DST: variants seen among roughly 807,000 people sequenced by gnomAD.
The protein encoded by DST is bullous pemphigoid antigen.
A neutral mutation model predicts 875.2 loss-of-function variants in DST; 253 were observed. The observed-to-expected ratio is 0.29, with a 90% CI of 0.26 to 0.32. The LOEUF is 0.32. Ranked by LOEUF, DST falls within the 10% of genes least tolerant of loss-of-function variation. DST has a pLI of 1.00. For synonymous variants in DST, 3,124 were observed against 3,197.1 expected, an observed-to-expected ratio of 0.98 and a Z score of 0.77; for missense variants, 8,287 against 9,111.6, an observed-to-expected ratio of 0.91 and a Z score of 3.68.
intron 4 of DST, among the ~76,000 whole-genome samples, chr6:56,803,212 A>G (rs1282547205): frequency 6.6e-6 from 1 of 152,208 alleles, no homozygotes; most frequent in Non-Finnish European, 1.5e-5. Context: ...CTAAAATACT[A>G]CAGCGTACCT....
At chr6:56,691,531 C>T (rs2099229539) in intron 9 of DST, among the ~76,000 whole-genome samples, 2 of 152,022 alleles carry the variant, frequency 1.3e-5, no homozygotes, top group South Asian at 4.1e-4. Flanking sequence ...TCTTTATGTT[C>T]AGATTTTTTA....
chr6:56,588,246 C>T (rs1048081073), intron 49 of DST, among the ~76,000 whole-genome samples: 6 of 152,186 alleles, frequency 3.9e-5, no homozygotes, highest in African/African-American at 1.4e-4. Flanking sequence ...CCTTCAATCT[C>T]AACTTTCTGT....
chr6:56,631,140 T>A (rs2098776255), intron 30 of DST, 71 bp downstream of exon 30: 1 of 664,630 alleles, frequency 1.5e-6, no homozygotes, highest in African/African-American at 1.9e-5. Flanking sequence ...AAAAATAAAA[T>A]TTTAAATTAA....
intron 5 of DST, among the ~76,000 whole-genome samples, chr6:56,730,435 T>C (rs2099492947): frequency 6.6e-6 from 1 of 152,156 alleles, no homozygotes; most frequent in East Asian, 1.9e-4. Context: ...TTTCTCATAT[T>C]GTTGTCCTAT....
intron 50 of DST, among the ~76,000 whole-genome samples, chr6:56,578,502 C>A (rs1262461555): frequency 6.6e-6 from 1 of 152,194 alleles, no homozygotes; most frequent in African/African-American, 2.4e-5. Flanking sequence ...TGCCCAATCC[C>A]ATCAACCAAG....
At chr6:56,477,250 C>A (rs1310850731) in intron 91 of DST, 95 bp downstream of exon 91, 2 of 1,341,308 alleles carry the variant, frequency 1.5e-6, no homozygotes, top group Non-Finnish European at 2.0e-6. Flanking sequence ...TCTCATTTTC[C>A]CATGGCCATA....
At chr6:56,791,041 A>G (rs1315609678) in intron 4 of DST, among the ~76,000 whole-genome samples, 5 of 152,236 alleles carry the variant, frequency 3.3e-5, no homozygotes, top group Admixed American at 2.6e-4. Context: ...AGGCCAACAA[A>G]GAAGGCCAAG....
chr6:56,685,241 C>A (rs974931686), intron 9 of DST, among the ~76,000 whole-genome samples: 14 of 152,082 alleles, frequency 9.2e-5, no homozygotes, highest in Non-Finnish European at 2.9e-5. Context: ...GCAGACTATG[C>A]ATCTGAAAAA....
intron 36 of DST, chr6:56,618,160 G>A: frequency 6.2e-7 from 1 of 1,614,146 alleles, no homozygotes; most frequent in Non-Finnish European, 8.5e-7. Flanking sequence ...TCTGAGAAAA[G>A]TACTCAGAGT....
intron 5 of DST, among the ~76,000 whole-genome samples, chr6:56,722,764 C>T (rs1047369224): frequency 6.6e-5 from 10 of 152,144 alleles, no homozygotes; most frequent in Admixed American, 1.3e-4. Flanking sequence ...AAATAAAAAG[C>T]GGCTATAAAG....
At chr6:56,534,471 T>A (rs545340337) in intron 63 of DST, among the ~76,000 whole-genome samples, 154 of 152,284 alleles carry the variant, frequency 1.0e-3, no homozygotes, top group Admixed American at 1.8e-3. Context: ...AAGACACTAT[T>A]TTCCCAAATT....
intron 30 of DST, among the ~76,000 whole-genome samples, 168 bp downstream of exon 30, chr6:56,631,042 CA>C (rs2098775246): frequency 6.6e-6 from 1 of 151,996 alleles, no homozygotes; most frequent in African/African-American, 2.4e-5. Flanking sequence ...CTTGGCCTCC[CA>C]AAGTGCTGGG....
chr6:56,645,171 C>T (rs2098935162), intron 15 of DST, among the ~76,000 whole-genome samples: 1 of 152,180 alleles, frequency 6.6e-6, no homozygotes, highest in Non-Finnish European at 1.5e-5. Context: ...GACTAATACA[C>T]CCTGCAAGGT....
chr6:56,871,069 G>C, intron 3 of DST: 1 of 478,586 alleles, frequency 2.1e-6, no homozygotes, highest in Non-Finnish European at 3.8e-6. Flanking sequence ...AAATGAAATG[G>C]ACAGACATTT....
intron 5 of DST, among the ~76,000 whole-genome samples, chr6:56,717,974 G>A (rs2099400935): frequency 1.3e-5 from 2 of 152,196 alleles, no homozygotes; most frequent in Non-Finnish European, 2.9e-5. Flanking sequence ...CAGCAGGCAA[G>A]AAGAGTCCAC....
rs2099389960 is a variant in DST at position 56,714,992 on chromosome 6, G to GAAATTAAA, written c.688-10624_688-10623insTTTAATTT. Among the ~76,000 whole-genome samples, 1 of 152,054 alleles carries GAAATTAAA rather than the reference G, an allele frequency of 6.6e-6. No individual in the cohort carries two copies. Among genetic ancestry groups the GAAATTAAA allele is most frequent in the Non-Finnish European group, 1.5e-5 (1 of 68,022 alleles). On this transcript the variant is annotated intron_variant, in intron 5 of 103. Transcript: ENST00000680361. The surrounding 1 kb of genome is among the most constrained non-coding windows in gnomAD (Gnocchi z 4.5). ...ATTAATAATTTCCTTAAGAAGAAAG[G>GAAATTAAA]GCCCTGTCTTTGGTCCTCACTGCAA... is the stretch of plus-strand genomic sequence containing the variant.
At chr6:56,565,808 T>C (rs1181853606) in intron 55 of DST, among the ~76,000 whole-genome samples, 1 of 152,096 alleles carries the variant, frequency 6.6e-6, no homozygotes, top group Non-Finnish European at 1.5e-5. Context: ...AGCCACCCCT[T>C]CCCCCAGGTG....
At chr6:56,492,196 A>G (rs2095772388) in intron 85 of DST, 31 bp downstream of exon 85, 1 of 1,584,588 alleles carries the variant, frequency 6.3e-7, no homozygotes, top group Non-Finnish European at 8.7e-7. Context: ...TTTATTGACA[A>G]GTTCAGAGAA....
chr6:56,905,283 G>T (rs1038909458), intron 2 of DST, among the ~76,000 whole-genome samples: 15 of 152,074 alleles, frequency 9.9e-5, no homozygotes, highest in African/African-American at 3.4e-4. Context: ...CATGAGATCT[G>T]CTCTCTTCAA....
Sources: gnomAD v4.1 joint callset for allele counts (sites outside exome capture counted in the v4.1 genomes callset) on GRCh38, gnomAD v4.1.1 for gene constraint, Gnocchi (gnomAD v3.1) non-coding constraint, MANE v1.5 for transcripts, NCBI Gene and HGNC (gene_info 2026-07-23, HGNC 2026-07-21) for gene names.